RGSL1: variants seen among roughly 807,000 people sequenced by gnomAD.
RGSL1 encodes regulator of G protein signaling like 1.
RGSL1 carries 97 observed loss-of-function variants against 124.7 expected under a neutral mutation model. That is an observed-to-expected ratio of 0.78 (90% CI 0.66 to 0.92). The LOEUF (loss-of-function observed/expected upper bound fraction) is 0.92, where lower values mean the gene tolerates loss of function less well. RGSL1 is among the 40% of genes least tolerant of loss of function. The pLI is 0.00. For missense variants in RGSL1, 1,233 were observed against 1,288.4 expected (o/e 0.96, Z 0.66); for synonymous variants, 424 against 438.1 (o/e 0.97, Z 0.40).
At chr1:182,458,043 A>G (rs1652489185) in intron 2 of RGSL1, among the ~76,000 whole-genome samples, 1 of 152,240 alleles carries the variant, frequency 6.6e-6, no homozygotes, top group South Asian at 2.1e-4. Context: ...ACACAAGCAA[A>G]TAGCTCTCAG....
In RGSL1 at chr1:182,460,043, T is replaced by C. The variant is rs1652683109; in HGVS notation, c.211T>C (p.Cys71Arg). Residue 71 changes from cysteine to arginine, a missense_variant, in exon 4 of 22, where the codon TGC (cysteine) becomes CGC (arginine). Physicochemically the swap from Cys to Arg is radical, Grantham distance 180. Coordinates refer to ENST00000294854, the MANE Select transcript of RGSL1 (RefSeq NM_001137669.2). ...YKGLLTWLEKCRLPFFCKTNL... is the reference protein window; with the variant it reads ...YKGLLTWLEKRRLPFFCKTNL... ...AGGGTTATTGACCTGGTTGGAAAAA[T>C]GCCGATTACCTTTCTTCTGTAAAAC... 1.9e-6 allele frequency: 3 copies of C among 1,551,578 alleles called. No individual in the cohort carries two copies. The highest frequency in any genetic ancestry group is 2.6e-6 in the Non-Finnish European group (3 of 1,146,984).
intron 15 of RGSL1, among the ~76,000 whole-genome samples, chr1:182,547,855 C>G (rs935720617): frequency 2.7e-5 from 4 of 149,514 alleles, no homozygotes; most frequent in Non-Finnish European, 6.0e-5. Context: ...AGTGAGACTC[C>G]ATCTCAAAAA....
At chr1:182,491,612 C>A (rs1165253699) in intron 8 of RGSL1, among the ~76,000 whole-genome samples, 2 of 152,110 alleles carry the variant, frequency 1.3e-5, no homozygotes, top group Admixed American at 1.3e-4. Context: ...GGACTAGAAA[C>A]CTGGACCCAC....
At chr1:182,525,518 A>C (rs902485956) in intron 10 of RGSL1, among the ~76,000 whole-genome samples, 2 of 152,180 alleles carry the variant, frequency 1.3e-5, no homozygotes, top group African/African-American at 4.8e-5. Flanking sequence ...ACTAGAGGCA[A>C]TCAATAACAG....
chr1:182,514,999 C>G (rs1168388026), intron 9 of RGSL1, among the ~76,000 whole-genome samples: 2 of 152,184 alleles, frequency 1.3e-5, no homozygotes, highest in Non-Finnish European at 2.9e-5. Context: ...CCTCATTTCC[C>G]TTCCTTCTTT....
chr1:182,532,327 C>A (rs1279629843), intron 13 of RGSL1, among the ~76,000 whole-genome samples: 1 of 152,128 alleles, frequency 6.6e-6, no homozygotes, highest in East Asian at 1.9e-4. Flanking sequence ...TTATTTCTGT[C>A]CTCTTTTCTT....
chr1:182,559,802 C>T (rs542684832), intron 21 of RGSL1, among the ~76,000 whole-genome samples: 10 of 152,318 alleles, frequency 6.6e-5, no homozygotes, highest in African/African-American at 2.2e-4. Context: ...ACAGACATCA[C>T]ACTGTGATAC....
intron 8 of RGSL1, among the ~76,000 whole-genome samples, chr1:182,491,512 A>T (rs1655524402): frequency 6.6e-6 from 1 of 152,048 alleles, no homozygotes; most frequent in African/African-American, 2.4e-5. Flanking sequence ...ACCACACCCG[A>T]CCACTATCAT....
Position 182,473,610 on chromosome 1 carries a change from C to A in RGSL1, c.499C>A (p.Gln167Lys). The A allele has an allele frequency of 6.5e-7, 1 of 1,549,642 alleles. No individual in the cohort carries two copies. The highest frequency in any genetic ancestry group is 8.7e-7 in the Non-Finnish European group (1 of 1,145,946). ...GAACCTCTCCATCTGGCATCCCAACCAATCAACCACTAGGAGGGAGATCCT... is the reference window on the plus strand; with the variant it reads ...GAACCTCTCCATCTGGCATCCCAACAAATCAACCACTAGGAGGGAGATCCT... ...LLNLSIWHPN[Q>K]STTRREILSH... The change falls in exon 6 of 22, where the codon CAA becomes AAA. Residue 167 changes from glutamine (Q) to lysine (K), a missense_variant. Physicochemically the swap from Gln to Lys is moderately conservative, Grantham distance 53. Coordinates refer to ENST00000294854, the MANE Select transcript of RGSL1 (RefSeq NM_001137669.2).
At chr1:182,459,907 G>C in intron 3 of RGSL1, 97 bp from the exon 4 acceptor site, 1 of 1,412,152 alleles carries the variant, frequency 7.1e-7, no homozygotes, top group Non-Finnish European at 9.5e-7. Flanking sequence ...GCCAGACACT[G>C]CAAGTGTGAG....
At chr1:182,476,142 T>C (rs1179596257) in intron 6 of RGSL1, among the ~76,000 whole-genome samples, 1 of 152,218 alleles carries the variant, frequency 6.6e-6, no homozygotes, top group Non-Finnish European at 1.5e-5. Context: ...TAGATCAGTC[T>C]AGTGGATCCA....
At chr1:182,451,106 AC>A (rs549613786) in intron 1 of RGSL1, among the ~76,000 whole-genome samples, 73 of 148,114 alleles carry the variant, frequency 4.9e-4, no homozygotes, top group African/African-American at 1.7e-3. Flanking sequence ...AGATCTTGCC[AC>A]TGCATTCCAG....
At chr1:182,491,910 T>G (rs767059327) in intron 8 of RGSL1, among the ~76,000 whole-genome samples, 25 of 152,214 alleles carry the variant, frequency 1.6e-4, no homozygotes, top group Non-Finnish European at 3.4e-4. Flanking sequence ...CAGATCATTG[T>G]TAAAACATCT....
At position 182,488,398 on chromosome 1, in the gene RGSL1, AAG is replaced by A. The variant is rs576451457; in HGVS notation, c.1494+54_1494+55del. 5.6e-4 allele frequency: 813 copies of A among 1,444,344 alleles called. 7 individuals carry two copies. The Middle Eastern group carries it at 0.019, about 34-fold the overall frequency. 89.5% of individuals were successfully genotyped at this position (1,444,344 alleles called of 1,614,324 possible). ...GAATCATGAGGATGAGGGAAGAAGA[AAG>A]AGTAATTACTGTTTTAAAAGGGTTA... On this transcript the variant is annotated intron_variant, in intron 7 of 21. Coordinates refer to ENST00000294854, the MANE Select transcript of RGSL1 (RefSeq NM_001137669.2).
chr1:182,448,709 G>A (rs1278829699), upstream of RGSL1, among the ~76,000 whole-genome samples: 1 of 152,134 alleles, frequency 6.6e-6, no homozygotes, highest in Admixed American at 6.6e-5. Flanking sequence ...GACATCTGGT[G>A]CCCTTTTCTT....
upstream of RGSL1, among the ~76,000 whole-genome samples, chr1:182,449,540 G>A (rs1651664157): frequency 6.6e-6 from 1 of 152,174 alleles, no homozygotes; most frequent in African/African-American, 2.4e-5. Flanking sequence ...TATTAGGGAA[G>A]AACAGGAGAA....
At chr1:182,497,860 C>T (rs1290342174) in intron 9 of RGSL1, among the ~76,000 whole-genome samples, 3 of 152,024 alleles carry the variant, frequency 2.0e-5, no homozygotes, top group African/African-American at 7.2e-5. Flanking sequence ...AAGTGGTGCA[C>T]GATTTTGCTT....
rs749579489 is a variant in RGSL1 at position 182,516,786 on chromosome 1, C to T, written c.1826-5218C>T. 1.3e-4 allele frequency among the ~76,000 whole-genome samples: 20 copies of T among 152,170 alleles called. No homozygotes were observed. The East Asian group carries it at 2.9e-3, about 22-fold the overall frequency. ...GTTTGACTTCAGTTATCTTAATTTA[C>T]GTATTACTAATGTTTTAACAGTTTC... is the stretch of plus-strand genomic sequence containing the variant. On this transcript the variant is annotated intron_variant, in intron 9 of 21. Coordinates refer to ENST00000294854, the MANE Select transcript of RGSL1 (RefSeq NM_001137669.2).
In RGSL1 at chr1:182,488,270, G is replaced by A. The variant is rs1375760611; in HGVS notation, c.1432-15G>A. 34 of 1,551,718 alleles carry A rather than the reference G, an allele frequency of 2.2e-5. No individual in the cohort carries two copies. Among genetic ancestry groups the A allele is most frequent in the South Asian group, 8.3e-5 (7 of 84,046 alleles). On this transcript the variant is annotated splice_polypyrimidine_tract_variant and intron_variant, in intron 6 of 21. Coordinates refer to ENST00000294854, the MANE Select transcript of RGSL1 (RefSeq NM_001137669.2). ...CCATCCACCTCATAATGCATATGCT[G>A]TGTTTGGTTTTCAGATGCTCAGTCC...
Sources: allele counts gnomAD v4.1 joint callset (sites outside exome capture counted in the v4.1 genomes callset), GRCh38; gene constraint gnomAD v4.1.1; transcripts MANE v1.5; gene names NCBI Gene and HGNC (gene_info 2026-07-23, HGNC 2026-07-21).